The following SIK3 variants were observed in gnomAD, a reference collection of about 807,000 sequenced individuals.
SIK3 encodes serine/threonine-protein kinase SIK3.
In SIK3, 28 loss-of-function variants were observed where a neutral mutation model predicts 144.2. The ratio of observed to expected loss-of-function variants is 0.19; its 90% CI spans 0.14 to 0.27. The LOEUF is 0.27. Among genes scored for constraint, SIK3 ranks in the 10% least tolerant of loss-of-function variants. The probability of loss-of-function intolerance (pLI) is 1.00; values close to 1 mark genes in which losing one functional copy is unlikely to be tolerated. For synonymous variants in SIK3, 686 were observed against 676.3 expected, an observed-to-expected ratio of 1.01 and a Z score of -0.22; for missense variants, 1,319 against 1,776.0, an observed-to-expected ratio of 0.74 and a Z score of 4.62.
At chr11:116,932,259 CT>C (rs1037546299) in intron 3 of SIK3, among the ~76,000 whole-genome samples, 1 of 152,156 alleles carries the variant, frequency 6.6e-6, no homozygotes, top group African/African-American at 2.4e-5. Context: ...AGGTAGTAAT[CT>C]TTTTTTAAAA....
chr11:116,857,659 C>T, intron 21 of SIK3, 151 bp downstream of exon 21: 1 of 1,363,644 alleles, frequency 7.3e-7, no homozygotes, highest in Non-Finnish European at 9.7e-7. Flanking sequence ...CCAATACCCA[C>T]TTCCTACATG....
chr11:116,947,494 A>C (rs923129091), intron 3 of SIK3, among the ~76,000 whole-genome samples: 1 of 149,410 alleles, frequency 6.7e-6, no homozygotes. Flanking sequence ...CAACCAGAAC[A>C]CCATTTTTTA....
At chr11:117,028,202 C>G (rs1952104340) in intron 1 of SIK3, among the ~76,000 whole-genome samples, 1 of 152,174 alleles carries the variant, frequency 6.6e-6, no homozygotes, top group Non-Finnish European at 1.5e-5. Context: ...GACTCAAACT[C>G]AATTCCTATG....
intron 12 of SIK3, 107 bp downstream of exon 12, chr11:116,873,796 T>C (rs889239564): frequency 6.7e-7 from 1 of 1,487,858 alleles, no homozygotes; most frequent in African/African-American, 1.4e-5. Flanking sequence ...ATAAATCATC[T>C]TTCTCTATAA....
chr11:117,068,837 T>C (rs1017745501), intron 1 of SIK3, among the ~76,000 whole-genome samples: 1 of 152,232 alleles, frequency 6.6e-6, no homozygotes. Flanking sequence ...AACTATAAAA[T>C]ATGACATATA....
chr11:117,020,246 T>TAC (rs1555130052), intron 1 of SIK3, among the ~76,000 whole-genome samples: 7 of 127,258 alleles, frequency 5.5e-5, no homozygotes, highest in South Asian at 5.1e-4. Context: ...CATATATATA[T>TAC]ACACATACAT....
rs1951357358 is a variant in SIK3, at chr11:117,013,496, C to G, written c.274-56432G>C. On this transcript the variant is annotated intron_variant, in intron 1 of 24. Coordinates refer to ENST00000445177, the MANE Select transcript of SIK3 (RefSeq NM_001366686.3). ...TCCATTTCAAAAAAACATAAAAAAA[C>G]TTTGTATACCAAACTGGGATTATCA... 2.6e-5 allele frequency among the ~76,000 whole-genome samples: 4 copies of G among 152,202 alleles called. No homozygotes were observed. In the South Asian group the frequency reaches 6.2e-4, roughly 24 times the overall value.
At chr11:116,932,577 T>C (rs1355802398) in intron 3 of SIK3, among the ~76,000 whole-genome samples, 1 of 152,146 alleles carries the variant, frequency 6.6e-6, no homozygotes, top group Non-Finnish European at 1.5e-5. Context: ...GCCTTTCCCC[T>C]GTTCAATTTT....
intron 3 of SIK3, among the ~76,000 whole-genome samples, chr11:116,939,545 G>A (rs1948172878): frequency 6.6e-6 from 1 of 152,156 alleles, no homozygotes; most frequent in Non-Finnish European, 1.5e-5. Flanking sequence ...TCAATTTGGT[G>A]AACAATAACT....
At chr11:117,000,439 T>A (rs1195278994) in intron 1 of SIK3, among the ~76,000 whole-genome samples, 1 of 152,214 alleles carries the variant, frequency 6.6e-6, no homozygotes. Context: ...ATATCCCTTT[T>A]AAAATCTTAA....
chr11:116,942,961 T>C (rs149233959), intron 3 of SIK3, among the ~76,000 whole-genome samples: 4 of 152,258 alleles, frequency 2.6e-5, no homozygotes, highest in Non-Finnish European at 5.9e-5. Flanking sequence ...AGAGAGACTA[T>C]TTAAAGGCTA....
At chr11:116,947,385 T>C (rs953038908) in intron 3 of SIK3, among the ~76,000 whole-genome samples, 1 of 147,826 alleles carries the variant, frequency 6.8e-6, no homozygotes, top group African/African-American at 2.5e-5. Flanking sequence ...GAATCAGAAG[T>C]TGAACATTTG....
At chr11:117,058,611 A>G (rs1432045426) in intron 1 of SIK3, among the ~76,000 whole-genome samples, 1 of 152,198 alleles carries the variant, frequency 6.6e-6, no homozygotes, top group African/African-American at 2.4e-5. Flanking sequence ...CTCTTTTTAA[A>G]GGTCACTCTG....
At chr11:117,031,072 T>C (rs1443691458) in intron 1 of SIK3, among the ~76,000 whole-genome samples, 1 of 152,176 alleles carries the variant, frequency 6.6e-6, no homozygotes, top group Non-Finnish European at 1.5e-5. Flanking sequence ...GGATATGTGG[T>C]TCAAAAATAT....
At chr11:116,896,969 G>A (rs961523641) in intron 5 of SIK3, among the ~76,000 whole-genome samples, 1 of 149,128 alleles carries the variant, frequency 6.7e-6, no homozygotes, top group East Asian at 2.0e-4. Flanking sequence ...GGAGGTTGCA[G>A]TGTGCCAAGA....
At chr11:116,957,488 T>C (rs1055858707) in intron 1 of SIK3, among the ~76,000 whole-genome samples, 3 of 152,194 alleles carry the variant, frequency 2.0e-5, no homozygotes, top group Admixed American at 6.5e-5. Context: ...CATGGTGTCT[T>C]ACTAAGGTTC....
At chr11:117,070,921 T>C (rs1954249085) in intron 1 of SIK3, among the ~76,000 whole-genome samples, 3 of 151,524 alleles carry the variant, frequency 2.0e-5, no homozygotes. Flanking sequence ...CCTGGCTAAC[T>C]TTTTGTCTTT....
intron 1 of SIK3, among the ~76,000 whole-genome samples, chr11:117,093,203 CTTG>C (rs1251186971): frequency 1.3e-5 from 2 of 152,160 alleles, no homozygotes; most frequent in Non-Finnish European, 2.9e-5. Flanking sequence ...CCAAATGAAT[CTTG>C]TTTTCAGTTT....
intron 1 of SIK3, among the ~76,000 whole-genome samples, chr11:116,988,495 A>T (rs1462443935): frequency 1.3e-5 from 2 of 152,062 alleles, no homozygotes; most frequent in East Asian, 3.9e-4. Context: ...GAGAAAAAAC[A>T]TTGGCCCAGC....
Sources: allele counts gnomAD v4.1 joint callset (sites outside exome capture counted in the v4.1 genomes callset), GRCh38; gene constraint gnomAD v4.1.1; transcripts MANE v1.5; gene names NCBI Gene and HGNC (gene_info 2026-07-23, HGNC 2026-07-21).